The following STARD3 variants were observed in gnomAD, a reference collection of about 807,000 sequenced individuals.
STARD3 encodes stAR-related lipid transfer protein 3.
STARD3 carries 39 observed loss-of-function variants against 62.0 expected under a neutral mutation model. That is an observed-to-expected ratio of 0.63 (90% CI 0.49 to 0.82). STARD3 has a LOEUF of 0.82. Ranked by LOEUF, STARD3 falls within the 40% of genes least tolerant of loss-of-function variation. The pLI, the probability that STARD3 is intolerant of heterozygous loss-of-function variation, is 0.00. For missense variants in STARD3, 543 were observed against 584.5 expected, an observed-to-expected ratio of 0.93 and a Z score of 0.73; for synonymous variants, 229 against 242.4, an observed-to-expected ratio of 0.94 and a Z score of 0.51.
chr17:39,646,692 GCCA>G (rs2057028957), intron 1 of STARD3, among the ~76,000 whole-genome samples: 1 of 152,130 alleles, frequency 6.6e-6, no homozygotes, highest in Non-Finnish European at 1.5e-5. Context: ...CATGATACCA[GCCA>G]CCTCCTGTTT....
intron 1 of STARD3, among the ~76,000 whole-genome samples, chr17:39,640,924 G>A (rs1597786491): frequency 6.6e-6 from 1 of 152,174 alleles, no homozygotes; most frequent in Non-Finnish European, 1.5e-5. Context: ...TTGGCTTTGG[G>A]TCTTATTTGT....
rs1455733044 is a variant in STARD3 at position 39,660,803 on chromosome 17, C to T, written c.955-7C>T. 2 of 1,571,798 alleles carry T rather than the reference C, an allele frequency of 1.3e-6. No individual in the cohort carries two copies. Among genetic ancestry groups the T allele is most frequent in the Admixed American group, 3.7e-5 (2 of 54,270 alleles). On this transcript the variant is annotated splice_region_variant and splice_polypyrimidine_tract_variant and intron_variant, in intron 11 of 14. Transcript: ENST00000336308. The surrounding 1 kb of genome is among the most constrained non-coding windows in gnomAD (Gnocchi z 4.8). Reference sequence around the variant, plus strand: ...CTGTTCCAAAAGTCTCCGTTGACGGCCCTCAGATCCTGCAGCGAGTGGAAG... The same window carrying T: ...CTGTTCCAAAAGTCTCCGTTGACGGTCCTCAGATCCTGCAGCGAGTGGAAG...
Position 39,660,001 on chromosome 17 carries a change from C to T in STARD3, c.796-210C>T, listed in dbSNP as rs1160668433. 3 of 596,288 alleles carry T rather than the reference C, an allele frequency of 5.0e-6. No individual in the cohort carries two copies. In the African/African-American group the frequency reaches 5.6e-5, roughly 11 times the overall value. The allele number at this position is 596,288 out of a possible 1,614,324, so 36.9% of individuals were successfully genotyped here. ...GTTGCAGCTGCAGCTGTCCCCCCGT[C>T]TTTTAACTCGACATCAAAAGCCTCT... On this transcript the variant is annotated intron_variant, in intron 9 of 14. Coordinates refer to ENST00000336308, the MANE Select transcript of STARD3 (RefSeq NM_006804.4). This position sits in a 1 kb window ranked among gnomAD's most constrained non-coding sequence, Gnocchi z 4.8.
intron 1 of STARD3, among the ~76,000 whole-genome samples, chr17:39,644,543 C>G (rs545830258): frequency 6.6e-6 from 1 of 151,988 alleles, no homozygotes; most frequent in East Asian, 1.9e-4. Flanking sequence ...GTTCAAATCA[C>G]AGACCTAGGC....
chr17:39,653,264 A>AG, intron 1 of STARD3: 1 of 544,652 alleles, frequency 1.8e-6, no homozygotes, highest in Non-Finnish European at 3.3e-6. Flanking sequence ...GGCTTGGGGC[A>AG]GGGAGCACCA....
intron 1 of STARD3, among the ~76,000 whole-genome samples, chr17:39,642,029 G>A (rs559564209): frequency 5.3e-5 from 8 of 152,314 alleles, no homozygotes; most frequent in East Asian, 1.9e-4. Context: ...GCTCTGCCCC[G>A]GAGGTGACAT....
At position 39,659,429 on chromosome 17, in the gene STARD3, C is replaced by T. The variant is rs373697400; in HGVS notation, c.703-32C>T. The T allele has an allele frequency of 2.8e-5, 45 of 1,604,312 alleles. No homozygotes were observed. In the African/African-American group the frequency reaches 4.1e-4, roughly 15 times the overall value. ...AACATGGTGGACTGCAGGCCCCAGG[C>T]TGACCCCTCCCTGCCTCCTGCTTCC... On this transcript the variant is annotated intron_variant, in intron 8 of 14. Transcript: ENST00000336308.
rs565032635 is a variant in STARD3, at chr17:39,660,868, C to T, written c.1013C>T (p.Ala338Val). 20 of 1,599,622 alleles carry T rather than the reference C, an allele frequency of 1.3e-5. 1 individual carries two copies. The highest frequency in any genetic ancestry group is 6.8e-5 in the Admixed American group (4 of 58,994). Residue 338 changes from alanine to valine, a missense_variant, in exon 12 of 15, where the codon GCG becomes GTG. By Grantham distance (64) the Ala-to-Val change is moderately conservative. Coordinates refer to ENST00000336308, the MANE Select transcript of STARD3 (RefSeq NM_006804.4). The surrounding 1 kb of genome is among the most constrained non-coding windows in gnomAD (Gnocchi z 4.8). ...TCCTATGACGTGTCTGCAGGGGCTG[C>T]GGGCGGCGTGGTCTCCCCAAGGTGA... ...LISYDVSAGA[A>V]GGVVSPRDFV...
chr17:39,662,881 C>T lies in STARD3; in HGVS notation c.1311C>T (p.Arg437=), dbSNP rs2057216403. Residue 437 remains arginine, a synonymous_variant, in exon 15 of 15, where the codon CGC becomes CGT. Transcript: ENST00000336308. ...AATTTGCCTTTCACCTGCGACAGCG[C>T]ATCAGCGAGCTGGGGGCCCGGGCGT... ...MFEFAFHLRQ[R]ISELGARA 6.2e-7 allele frequency: 1 copy of T among 1,612,366 alleles called. No homozygotes were observed. The highest frequency in any genetic ancestry group is 1.3e-5 in the African/African-American group (1 of 74,982).
In STARD3 at chr17:39,658,298, A is replaced by G; in HGVS notation, c.430-107A>G. On this transcript the variant is annotated intron_variant, in intron 5 of 14. Coordinates refer to ENST00000336308, the MANE Select transcript of STARD3 (RefSeq NM_006804.4). ...AGAGGGTTCCCAAGCAGCTGCTACCAGGAATGGGGTGTATGCCAGTTTGGC... is the reference window on the plus strand; with the variant it reads ...AGAGGGTTCCCAAGCAGCTGCTACCGGGAATGGGGTGTATGCCAGTTTGGC... The G allele has an allele frequency of 2.8e-6, 3 of 1,057,468 alleles. No homozygotes were observed. In the South Asian group the frequency reaches 4.3e-5, roughly 15 times the overall value. 65.5% of individuals were successfully genotyped at this position (1,057,468 alleles called of 1,614,324 possible). A position where few individuals can be genotyped will look rare whatever the true frequency, so the allele number is the denominator to read the frequency against.
chr17:39,662,925 C>T lies in STARD3; in HGVS notation c.*17C>T. The T allele has an allele frequency of 1.9e-6, 3 of 1,602,884 alleles. No homozygotes were observed. The highest frequency in any genetic ancestry group is 2.6e-6 in the Non-Finnish European group (3 of 1,174,786). ...CGGGCGTGACTGTGCCCCCTCCCAC[C>T]CTGCGGGCCAGGGTCCTGTCGCCAC... is the stretch of plus-strand genomic sequence containing the variant. On this transcript the variant is annotated 3_prime_UTR_variant, in exon 15 of 15. Coordinates refer to ENST00000336308, the MANE Select transcript of STARD3 (RefSeq NM_006804.4).
At chr17:39,646,985 A>G (rs1237502846) in intron 1 of STARD3, among the ~76,000 whole-genome samples, 2 of 152,000 alleles carry the variant, frequency 1.3e-5, no homozygotes, top group Admixed American at 1.3e-4. Context: ...GCGGATCACA[A>G]GGTCAAGAGA....
rs2057187678 is a variant in STARD3 at position 39,660,745 on chromosome 17, G to GCAA, written c.955-65_955-64insCAA. 1 of 1,523,032 alleles carries GCAA rather than the reference G, an allele frequency of 6.6e-7. No homozygotes were observed. Among genetic ancestry groups the GCAA allele is most frequent in the Admixed American group, 2.0e-5 (1 of 50,862 alleles). The allele number at this position is 1,523,032 out of a possible 1,614,324, so 94.3% of individuals were successfully genotyped here. A position where few individuals can be genotyped will look rare whatever the true frequency, so the allele number is the denominator to read the frequency against. On this transcript the variant is annotated intron_variant, in intron 11 of 14. Coordinates refer to ENST00000336308, the MANE Select transcript of STARD3 (RefSeq NM_006804.4). The surrounding 1 kb of genome is among the most constrained non-coding windows in gnomAD (Gnocchi z 4.8). ...ATAGCAGTTAGTAAAGGGGCCTGGG[G>GCAA]TGTTCCCATCCCTGGGGTTTTCCTG...
chr17:39,638,773 A>G (rs1347678223), intron 1 of STARD3, among the ~76,000 whole-genome samples: 1 of 152,202 alleles, frequency 6.6e-6, no homozygotes, highest in Non-Finnish European at 1.5e-5. Context: ...TCTACTTCAT[A>G]GAGTTGTGAG....
At chr17:39,658,336 G>C in intron 5 of STARD3, 69 bp from the exon 6 acceptor site, 1 of 1,434,612 alleles carries the variant, frequency 7.0e-7, no homozygotes, top group South Asian at 1.2e-5. Context: ...GCTAGAGTTG[G>C]TAGCCACAGA....
chr17:39,660,096 TG>T lies in STARD3; in HGVS notation c.796-113del. ...AGCTGCTCAGGTGTCCCCAAACTCCTGGAGTTTTCCACCCTGAGCTGTTAAA... is the reference window on the plus strand; with the variant it reads ...AGCTGCTCAGGTGTCCCCAAACTCCTGAGTTTTCCACCCTGAGCTGTTAAA... On this transcript the variant is annotated intron_variant, in intron 9 of 14. Coordinates refer to ENST00000336308, the MANE Select transcript of STARD3 (RefSeq NM_006804.4). The surrounding 1 kb of genome is among the most constrained non-coding windows in gnomAD (Gnocchi z 4.8). 1 of 1,032,954 alleles carries T rather than the reference TG, an allele frequency of 9.7e-7. No homozygotes were observed. The highest frequency in any genetic ancestry group is 1.5e-6 in the Non-Finnish European group (1 of 659,166). The allele number at this position is 1,032,954 out of a possible 1,614,324, so 64.0% of individuals were successfully genotyped here.
At chr17:39,658,341 C>A in intron 5 of STARD3, 64 bp from the exon 6 acceptor site, 1 of 1,486,052 alleles carries the variant, frequency 6.7e-7, no homozygotes, top group Non-Finnish European at 9.3e-7. Flanking sequence ...AGTTGGTAGC[C>A]ACAGAAGGGG....
rs778288613 is a variant in STARD3, at chr17:39,660,559, G to C, written c.954+33G>C. ...CAGTCTGGCTGCCTCTTAAGGCACA[G>C]ATGGGGGCACAGCCACGCCTCAGTG... On this transcript the variant is annotated intron_variant, in intron 11 of 14. Coordinates refer to ENST00000336308, the MANE Select transcript of STARD3 (RefSeq NM_006804.4). This position sits in a 1 kb window ranked among gnomAD's most constrained non-coding sequence, Gnocchi z 4.8. 2 of 1,608,360 alleles carry C rather than the reference G, an allele frequency of 1.2e-6. No homozygotes were observed. The highest frequency in any genetic ancestry group is 1.7e-6 in the Non-Finnish European group (2 of 1,175,264).
chr17:39,642,805 G>T (rs1194912810), intron 1 of STARD3, among the ~76,000 whole-genome samples: 1 of 152,144 alleles, frequency 6.6e-6, no homozygotes, highest in Admixed American at 6.5e-5. Flanking sequence ...TGGAATGAGA[G>T]AGCAAGTCAT....
Sources: gnomAD v4.1 joint callset for allele counts (sites outside exome capture counted in the v4.1 genomes callset) on GRCh38, gnomAD v4.1.1 for gene constraint, Gnocchi (gnomAD v3.1) non-coding constraint, MANE v1.5 for transcripts, NCBI Gene and HGNC (gene_info 2026-07-23, HGNC 2026-07-21) for gene names.